MCU: variants seen among roughly 807,000 people sequenced by gnomAD.
MCU encodes the protein mitochondrial calcium uniporter.
Under a neutral mutation model 45.2 loss-of-function variants are expected in MCU, and 12 were observed. That is an observed-to-expected ratio of 0.27 (90% CI 0.17 to 0.43). The LOEUF (loss-of-function observed/expected upper bound fraction) is 0.43. MCU is among the 20% of genes least tolerant of loss of function. The pLI, the probability that MCU is intolerant of heterozygous loss-of-function variation, is 1.00. For synonymous variants in MCU, 160 were observed against 165.1 expected, an observed-to-expected ratio of 0.97 and a Z score of 0.24; for missense variants, 324 against 436.7, an observed-to-expected ratio of 0.74 and a Z score of 2.30.
intron 1 of MCU, among the ~76,000 whole-genome samples, chr10:72,797,534 C>CTTT (rs11411848): frequency 8.6e-5 from 10 of 115,698 alleles, no homozygotes; most frequent in Non-Finnish European, 1.0e-4. Flanking sequence ...CCATAATATA[C>CTTT]TTTTTTTTTT....
intron 1 of MCU, among the ~76,000 whole-genome samples, chr10:72,701,602 C>T (rs1842759343): frequency 6.6e-6 from 1 of 152,134 alleles, no homozygotes; most frequent in Non-Finnish European, 1.5e-5. Context: ...TCTCGGCTCA[C>T]TGCAAGCTCC....
At chr10:72,737,852 T>G (rs1233367980) in intron 1 of MCU, among the ~76,000 whole-genome samples, 1 of 152,120 alleles carries the variant, frequency 6.6e-6, no homozygotes, top group African/African-American at 2.4e-5. Context: ...TACCTTTGAC[T>G]TGAAGTTCAA....
Position 72,849,727 on chromosome 10 carries a change from CTT to C in MCU, c.221-9446_221-9445del, listed in dbSNP as rs145362837. Among the ~76,000 whole-genome samples, 42 of 152,154 alleles carry C rather than the reference CTT, an allele frequency of 2.8e-4. 1 individual carries two copies. The highest frequency in any genetic ancestry group is 1.0e-3 in the African/African-American group (42 of 41,530). On this transcript the variant is annotated intron_variant, in intron 2 of 7. Transcript: ENST00000373053. ...AGCATCATAGAAGCTGGTGGGGAAA[CTT>C]TTTACAAAGGGAGGGAGTCGTTAAC...
rs1008053677 is a variant in MCU at position 72,863,803 on chromosome 10, A to G, written c.496+3276A>G. Among the ~76,000 whole-genome samples, 4 of 152,110 alleles carry G rather than the reference A, an allele frequency of 2.6e-5. No homozygotes were observed. In the East Asian group the frequency reaches 5.8e-4, roughly 22 times the overall value. On this transcript the variant is annotated intron_variant, in intron 4 of 7. Transcript: ENST00000373053. ...GCTAATTTTTGTATTTTTAGTAGAG[A>G]TGGGGTTTCACCATGTTGGCCAGGC...
At chr10:72,863,674 C>T (rs1183886196) in intron 4 of MCU, among the ~76,000 whole-genome samples, 4 of 152,052 alleles carry the variant, frequency 2.6e-5, no homozygotes, top group South Asian at 4.1e-4. Context: ...TGGAGTGCAG[C>T]AGTGCAATCT....
intron 2 of MCU, among the ~76,000 whole-genome samples, chr10:72,837,723 C>T (rs1183689151): frequency 2.0e-5 from 3 of 152,072 alleles, no homozygotes; most frequent in African/African-American, 4.8e-5. Context: ...TACTTGAAGT[C>T]TTTAAAGCCT....
chr10:72,725,337 A>G (rs545276622), intron 1 of MCU, among the ~76,000 whole-genome samples: 2 of 152,168 alleles, frequency 1.3e-5, no homozygotes, highest in South Asian at 4.2e-4. Context: ...CGCGTTAGCC[A>G]GGATAGCCTC....
At chr10:72,807,132 A>G (rs1346371437) in intron 1 of MCU, among the ~76,000 whole-genome samples, 1 of 152,184 alleles carries the variant, frequency 6.6e-6, no homozygotes, top group Non-Finnish European at 1.5e-5. Flanking sequence ...CAGGAGTAGC[A>G]TTTTCATTTA....
chr10:72,724,693 G>C (rs777792604), intron 1 of MCU, among the ~76,000 whole-genome samples: 5 of 152,216 alleles, frequency 3.3e-5, no homozygotes, highest in Non-Finnish European at 7.3e-5. Context: ...GTGGATGAAG[G>C]TTAGATTAGA....
chr10:72,703,326 G>T (rs1258970678), intron 1 of MCU, among the ~76,000 whole-genome samples: 1 of 152,012 alleles, frequency 6.6e-6, no homozygotes, highest in African/African-American at 2.4e-5. Flanking sequence ...TAAATGATTT[G>T]CCCAGAGTCA....
intron 1 of MCU, among the ~76,000 whole-genome samples, chr10:72,782,074 C>T (rs1844003181): frequency 1.3e-5 from 2 of 152,294 alleles, no homozygotes; most frequent in South Asian, 2.1e-4. Flanking sequence ...CCAGAGCTCT[C>T]CTTCACCATT....
At chr10:72,806,200 C>T (rs1435935686) in intron 1 of MCU, among the ~76,000 whole-genome samples, 4 of 149,284 alleles carry the variant, frequency 2.7e-5, no homozygotes, top group Non-Finnish European at 5.9e-5. Context: ...TCTTGTTGCC[C>T]AGGCTGGAGT....
At chr10:72,779,651 G>A (rs1305405478) in intron 1 of MCU, among the ~76,000 whole-genome samples, 1 of 152,170 alleles carries the variant, frequency 6.6e-6, no homozygotes, top group Admixed American at 6.5e-5. Flanking sequence ...ATAAGGAGAT[G>A]TATAAATGGC....
chr10:72,873,903 T>C (rs1443156768), intron 6 of MCU, among the ~76,000 whole-genome samples: 7 of 152,204 alleles, frequency 4.6e-5, no homozygotes, highest in Non-Finnish European at 7.3e-5. Flanking sequence ...CAAAGATGAT[T>C]GGCTATAAAT....
chr10:72,839,268 G>T (rs1845009956), intron 2 of MCU, among the ~76,000 whole-genome samples: 8 of 152,256 alleles, frequency 5.3e-5, no homozygotes, highest in African/African-American at 1.9e-4. Flanking sequence ...GGGATTACAG[G>T]GGTGAGCCAC....
At chr10:72,826,266 AAC>A (rs1844797428) in intron 1 of MCU, among the ~76,000 whole-genome samples, 1 of 152,152 alleles carries the variant, frequency 6.6e-6, no homozygotes, top group East Asian at 1.9e-4. Context: ...TTCTAGAACA[AAC>A]ACAGATTTCT....
chr10:72,832,048 A>T (rs1335988292), intron 1 of MCU, among the ~76,000 whole-genome samples: 1 of 152,172 alleles, frequency 6.6e-6, no homozygotes, highest in Admixed American at 6.5e-5. Context: ...CAAAGCAAGC[A>T]CAAATCTTTG....
chr10:72,703,124 C>G lies in MCU; in HGVS notation c.150+10823C>G, dbSNP rs114710365. Among the ~76,000 whole-genome samples the G allele has an allele frequency of 1.1e-3, 174 of 152,244 alleles. 1 individual carries two copies. Among genetic ancestry groups the G allele is most frequent in the African/African-American group, 4.0e-3 (167 of 41,544 alleles). On this transcript the variant is annotated intron_variant, in intron 1 of 7. Transcript: ENST00000373053. ...AGAAGCAGCCACTGGTTTGTTACAA[C>G]TGGAGTATGCGCAAGAATAGCTGGA...
chr10:72,844,901 A>G (rs1845097968), intron 2 of MCU, among the ~76,000 whole-genome samples: 1 of 152,164 alleles, frequency 6.6e-6, no homozygotes, highest in Non-Finnish European at 1.5e-5. Flanking sequence ...TGAAGAATGA[A>G]TTTATAAACT....
Sources: gnomAD v4.1 joint callset for allele counts (sites outside exome capture counted in the v4.1 genomes callset) on GRCh38, gnomAD v4.1.1 for gene constraint, MANE v1.5 for transcripts, NCBI Gene and HGNC (gene_info 2026-07-23, HGNC 2026-07-21) for gene names.